Variants in TMC6 observed in about 807,000 individuals in gnomAD.
TMC6 encodes the protein transmembrane channel like 6.
Under a neutral mutation model 95.4 loss-of-function variants are expected in TMC6, and 71 were observed. That is an observed-to-expected ratio of 0.74 (90% CI 0.61 to 0.91). The LOEUF is 0.91. TMC6 is among the 40% of genes least tolerant of loss of function. The probability of loss-of-function intolerance (pLI) is 0.00; values close to 1 mark genes in which losing one functional copy is unlikely to be tolerated. For missense variants in TMC6, 1,074 were observed against 1,079.1 expected, an observed-to-expected ratio of 1.00 and a Z score of 0.07; for synonymous variants, 514 against 483.1, an observed-to-expected ratio of 1.06 and a Z score of -0.84.
In TMC6 at chr17:78,123,849, T is replaced by C. The variant is rs55677349; in HGVS notation, c.1082+140A>G. ...GGTAGATGGGTGGGTAAGTGGATAG[T>C]TGGATAGGTGAGTGGATGAGAGCAG... On this transcript the variant is annotated intron_variant, in intron 9 of 19. Coordinates refer to ENST00000590602, the MANE Select transcript of TMC6 (RefSeq NM_001127198.5). The C allele has an allele frequency of 0.53, 601,181 of 1,137,262 alleles. 162,072 individuals are homozygous for C. The highest frequency in any genetic ancestry group is 0.56 in the Non-Finnish European group (432,088 of 775,406). 70.4% of individuals were successfully genotyped at this position (1,137,262 alleles called of 1,614,324 possible). A position where few individuals can be genotyped will look rare whatever the true frequency, so the allele number is the denominator to read the frequency against.
At chr17:78,125,914 G>A (rs900230422) in intron 4 of TMC6, 30 bp from the exon 5 acceptor site, 12 of 1,549,628 alleles carry the variant, frequency 7.7e-6, no homozygotes, top group African/African-American at 6.9e-5. Flanking sequence ...GGGCCGGGCC[G>A]GGCAGGGCCA....
chr17:78,123,517 ATGGATGGGTGGGTAGATGGATGAATGGG>A (rs2074521786), intron 9 of TMC6, among the ~76,000 whole-genome samples: 1 of 139,932 alleles, frequency 7.1e-6, no homozygotes, highest in Non-Finnish European at 1.5e-5. Context: ...AACTGAGTGG[ATGGATGGGTGGGTAGATGGATGAATGGG>A]TGGATGGGTG....
At position 78,108,774 on chromosome 17, in the gene TMC6, C is replaced by G. The variant is rs1380016782; in HGVS notation, c.*4374G>C. On this transcript the variant is annotated 3_prime_UTR_variant, in exon 20 of 20. Coordinates refer to ENST00000590602, the MANE Select transcript of TMC6 (RefSeq NM_001127198.5). The stretch of plus-strand genomic sequence containing the variant: ...AAGACAACAGGTTCTTCACCTGCAT[C>G]TGTGGATATATATTTTTTTAAGTTT... 1.3e-5 allele frequency: 2 copies of G among 152,498 alleles called. No homozygotes were observed. The highest frequency in any genetic ancestry group is 6.5e-5 in the Admixed American group (1 of 15,282). The allele number at this position is 152,498 out of a possible 1,614,324, so 9.4% of individuals were successfully genotyped here. A position where few individuals can be genotyped will look rare whatever the true frequency, so the allele number is the denominator to read the frequency against.
intron 18 of TMC6, among the ~76,000 whole-genome samples, chr17:78,114,948 T>C (rs1413161736): frequency 1.4e-5 from 2 of 146,542 alleles, no homozygotes; most frequent in Non-Finnish European, 3.0e-5. Context: ...AGCACCACTC[T>C]GCATTCCCCG....
At position 78,107,733 on chromosome 17, in the gene TMC6, T is replaced by C. The variant is rs1415709543; in HGVS notation, c.*5415A>G. On this transcript the variant is annotated 3_prime_UTR_variant, in exon 20 of 20. Coordinates refer to ENST00000590602, the MANE Select transcript of TMC6 (RefSeq NM_001127198.5). ...CACCCCCGTGGCCCATCCAAGTCTGTTCATCTGGTAACTTCTGTTGTCTGG... is the reference window on the plus strand; with the variant it reads ...CACCCCCGTGGCCCATCCAAGTCTGCTCATCTGGTAACTTCTGTTGTCTGG... 1 of 152,230 alleles carries C rather than the reference T, an allele frequency of 6.6e-6. No homozygotes were observed. Among genetic ancestry groups the C allele is most frequent in the East Asian group, 1.9e-4 (1 of 5,198 alleles). The allele number at this position is 152,230 out of a possible 1,614,324, so 9.4% of individuals were successfully genotyped here.
At chr17:78,114,785 C>T (rs554172733) in intron 18 of TMC6, among the ~76,000 whole-genome samples, 2 of 152,218 alleles carry the variant, frequency 1.3e-5, no homozygotes, top group South Asian at 2.1e-4. Context: ...GGGCTGTGCA[C>T]TTGAGCCATG....
chr17:78,116,693 C>T (rs1394831113), intron 18 of TMC6, among the ~76,000 whole-genome samples: 1 of 152,140 alleles, frequency 6.6e-6, no homozygotes, highest in Non-Finnish European at 1.5e-5. Flanking sequence ...CCAGCCTGGG[C>T]AACACAGTGA....
At chr17:78,113,913 G>C (rs558100410) in intron 18 of TMC6, 1 of 453,382 alleles carries the variant, frequency 2.2e-6, no homozygotes, top group Admixed American at 3.4e-5. Flanking sequence ...GCCCTGCCAC[G>C]TACTGGCTCT....
At chr17:78,119,514 A>C in intron 13 of TMC6, 122 bp from the exon 14 acceptor site, 3 of 992,862 alleles carry the variant, frequency 3.0e-6, no homozygotes, top group Non-Finnish European at 4.7e-6. Flanking sequence ...TCCACAGATA[A>C]TGCCAAGAAG....
chr17:78,123,833 G>A (rs1485521395), intron 9 of TMC6, among the ~76,000 whole-genome samples, 156 bp downstream of exon 9: 1 of 152,158 alleles, frequency 6.6e-6, no homozygotes, highest in African/African-American at 2.4e-5. Flanking sequence ...GGGTAGATGG[G>A]TGGGTAAGTG....
At chr17:78,120,172 T>C (rs1464158998) in intron 13 of TMC6, 1 of 283,068 alleles carries the variant, frequency 3.5e-6, no homozygotes, top group East Asian at 9.9e-5. Context: ...TTTTTTTTTT[T>C]TTTTGGCAAC....
chr17:78,121,214 G>C lies in TMC6; in HGVS notation c.1384-50C>G. On this transcript the variant is annotated intron_variant, in intron 11 of 19. Transcript: ENST00000590602. This position sits in a 1 kb window ranked among gnomAD's most constrained non-coding sequence, Gnocchi z 5.6. ...CATGGAAGCCCCCCATCCATGGTGG[G>C]AGCGGGCAGCTACAGGGAAGGGCCC... 3 of 1,548,786 alleles carry C rather than the reference G, an allele frequency of 1.9e-6. No homozygotes were observed. The highest frequency in any genetic ancestry group is 1.2e-5 in the South Asian group (1 of 84,940).
Position 78,107,404 on chromosome 17 carries a change from C to T in TMC6, c.*5744G>A, listed in dbSNP as rs533098371. On this transcript the variant is annotated 3_prime_UTR_variant, in exon 20 of 20. Coordinates refer to ENST00000590602, the MANE Select transcript of TMC6 (RefSeq NM_001127198.5). Reference sequence around the variant, plus strand: ...AAGAACATGCATCGAAAGTTGCTTTCGAAAGTACAACGCTTTATTGAATCT... The same window carrying T: ...AAGAACATGCATCGAAAGTTGCTTTTGAAAGTACAACGCTTTATTGAATCT... 1 of 152,218 alleles carries T rather than the reference C, an allele frequency of 6.6e-6. No individual in the cohort carries two copies. The highest frequency in any genetic ancestry group is 6.5e-5 in the Admixed American group (1 of 15,292). 9.4% of individuals were successfully genotyped at this position (152,218 alleles called of 1,614,324 possible).
rs747503989 is a variant in TMC6, at chr17:78,123,458, C to T, written c.1082+531G>A. Among the ~76,000 whole-genome samples the T allele has an allele frequency of 7.0e-5, 10 of 143,590 alleles. No individual in the cohort carries two copies. The East Asian group carries it at 1.1e-3, about 16-fold the overall frequency. The allele number at this position is 143,590 out of a possible 152,430, so 94.2% of individuals were successfully genotyped here. ...GGATGGATGTGCGAATGGATGGATG[C>T]GTGGATGAATGAGTGGGTGGATGGA... On this transcript the variant is annotated intron_variant, in intron 9 of 19. Coordinates refer to ENST00000590602, the MANE Select transcript of TMC6 (RefSeq NM_001127198.5).
At chr17:78,130,329 G>C (rs76900826), upstream of TMC6, among the ~76,000 whole-genome samples, 2,084 of 152,308 alleles carry the variant, frequency 0.014, 40 homozygotes, top group African/African-American at 0.047. Context: ...CCTCCAGGGT[G>C]AGGCCGGCAG....
Position 78,121,539 on chromosome 17 carries a change from T to TC in TMC6, c.1383+16dup. 1 of 1,608,974 alleles carries TC rather than the reference T, an allele frequency of 6.2e-7. No individual in the cohort carries two copies. Among genetic ancestry groups the TC allele is most frequent in the Non-Finnish European group, 8.5e-7 (1 of 1,179,186 alleles). On this transcript the variant is annotated intron_variant, in intron 11 of 19. Transcript: ENST00000590602. The surrounding 1 kb of genome is among the most constrained non-coding windows in gnomAD (Gnocchi z 5.6). ...GACACGTTCCAAGCAAGGGCCAGGC[T>TC]CCCCCCATCCCCGCACCTGGATCAT... is the stretch of plus-strand genomic sequence containing the variant.
At chr17:78,117,743 G>A in intron 16 of TMC6, 59 bp downstream of exon 16, 1 of 1,579,042 alleles carries the variant, frequency 6.3e-7, no homozygotes, top group Non-Finnish European at 8.6e-7. Flanking sequence ...GGCCCCCCAG[G>A]CACCACCACC....
rs917247824 is a variant in TMC6 at position 78,112,163 on chromosome 17, T to C, written c.*985A>G. 3.5e-5 allele frequency: 8 copies of C among 228,762 alleles called. No individual in the cohort carries two copies. Among genetic ancestry groups the C allele is most frequent in the Non-Finnish European group, 5.2e-5 (6 of 116,050 alleles). 14.2% of individuals were successfully genotyped at this position (228,762 alleles called of 1,614,324 possible). A position where few individuals can be genotyped will look rare whatever the true frequency, so the allele number is the denominator to read the frequency against. On this transcript the variant is annotated 3_prime_UTR_variant, in exon 20 of 20. Coordinates refer to ENST00000590602, the MANE Select transcript of TMC6 (RefSeq NM_001127198.5). ...CCTGGAGCACAGGCTGACGGGCTGG[T>C]CCCCACAGACCTGGAGCACTGGGGT...
At position 78,107,757 on chromosome 17, in the gene TMC6, G is replaced by A. The variant is rs918550200; in HGVS notation, c.*5391C>T. 2 of 152,228 alleles carry A rather than the reference G, an allele frequency of 1.3e-5. No homozygotes were observed. Among genetic ancestry groups the A allele is most frequent in the Non-Finnish European group, 2.9e-5 (2 of 68,040 alleles). The allele number at this position is 152,228 out of a possible 1,614,324, so 9.4% of individuals were successfully genotyped here. A position where few individuals can be genotyped will look rare whatever the true frequency, so the allele number is the denominator to read the frequency against. On this transcript the variant is annotated 3_prime_UTR_variant, in exon 20 of 20. Coordinates refer to ENST00000590602, the MANE Select transcript of TMC6 (RefSeq NM_001127198.5). ...GTTCATCTGGTAACTTCTGTTGTCT[G>A]GGACGGCAGCAAGAAGATGCCGGGG...
Sources: allele counts gnomAD v4.1 joint callset (sites outside exome capture counted in the v4.1 genomes callset), GRCh38; gene constraint gnomAD v4.1.1; non-coding constraint Gnocchi (gnomAD v3.1); transcripts MANE v1.5; gene names NCBI Gene and HGNC (gene_info 2026-07-23, HGNC 2026-07-21).